CENPL: variants seen among roughly 807,000 people sequenced by gnomAD.
CENPL encodes centromere protein L, also known as interphase centromere complex protein 33.
In CENPL, 20 loss-of-function variants were observed where a neutral mutation model predicts 35.2. That is an observed-to-expected ratio of 0.57 (90% CI 0.40 to 0.83). The LOEUF is 0.83. Among genes scored for constraint, CENPL ranks in the 40% least tolerant of loss-of-function variants. The pLI, the probability that CENPL is intolerant of heterozygous loss-of-function variation, is 0.00. For synonymous variants in CENPL, 140 were observed against 140.6 expected, an observed-to-expected ratio of 1.00 and a Z score of 0.03; for missense variants, 363 against 395.8, an observed-to-expected ratio of 0.92 and a Z score of 0.70.
At chr1:173,821,868 T>C (rs1039275226) in intron 2 of CENPL, 8 of 143,824 alleles carry the variant, frequency 5.6e-5, no homozygotes, top group African/African-American at 2.1e-4. Context: ...TGGAGTGCAG[T>C]GGCCTGATAT....
At chr1:173,809,594 T>TA (rs573267648) in intron 3 of CENPL, among the ~76,000 whole-genome samples, 564 of 114,402 alleles carry the variant, frequency 4.9e-3, no homozygotes, top group African/African-American at 9.4e-3. Flanking sequence ...AGACACTCTC[T>TA]AAAAAAAAAA....
At chr1:173,806,045 G>A (rs529921932) in intron 4 of CENPL, among the ~76,000 whole-genome samples, 2 of 152,238 alleles carry the variant, frequency 1.3e-5, no homozygotes, top group East Asian at 3.9e-4. Context: ...TCTCAACTCT[G>A]CTGTTGCAGC....
At chr1:173,807,134 A>T (rs941270151) in intron 4 of CENPL, 133 bp downstream of exon 4, 5 of 672,608 alleles carry the variant, frequency 7.4e-6, no homozygotes, top group Non-Finnish European at 1.1e-5. Flanking sequence ...AAAAATAAAC[A>T]TGATTTTGTA....
intron 2 of CENPL, among the ~76,000 whole-genome samples, chr1:173,814,374 A>G (rs1218460492): frequency 1.3e-5 from 2 of 152,220 alleles, no homozygotes; most frequent in South Asian, 2.1e-4. Context: ...AATCAACAGA[A>G]TATACATTCT....
At chr1:173,821,439 G>A (rs938498551) in intron 2 of CENPL, among the ~76,000 whole-genome samples, 1 of 152,146 alleles carries the variant, frequency 6.6e-6, no homozygotes, top group African/African-American at 2.4e-5. Flanking sequence ...AAAGAGAAAT[G>A]CTATGAATCC....
At chr1:173,822,589 A>C (rs1314774243) in intron 2 of CENPL, 1 of 152,148 alleles carries the variant, frequency 6.6e-6, no homozygotes, top group African/African-American at 2.4e-5. Context: ...TTCTTTGCCA[A>C]CTACTGTACT....
intron 2 of CENPL, among the ~76,000 whole-genome samples, chr1:173,820,297 C>G (rs1225927432): frequency 6.6e-6 from 1 of 151,864 alleles, no homozygotes; most frequent in Admixed American, 6.6e-5. Flanking sequence ...TTATATCTTG[C>G]ACAAAACTCC....
chr1:173,804,450 A>G (rs553830371), intron 4 of CENPL, among the ~76,000 whole-genome samples: 1 of 152,384 alleles, frequency 6.6e-6, no homozygotes, highest in African/African-American at 2.4e-5. Flanking sequence ...CTGCATAGGA[A>G]TCATTCATAA....
chr1:173,803,603 T>C (rs1316185822), intron 4 of CENPL, 98 bp from the exon 5 acceptor site: 7 of 1,085,434 alleles, frequency 6.4e-6, no homozygotes, highest in Non-Finnish European at 6.5e-6. Flanking sequence ...GACGAGCCAA[T>C]GTAATACTTG....
intron 4 of CENPL, among the ~76,000 whole-genome samples, chr1:173,805,244 C>T (rs1002297148): frequency 1.3e-5 from 2 of 152,128 alleles, no homozygotes; most frequent in Non-Finnish European, 2.9e-5. Context: ...TATGGCTGGG[C>T]GAGATGGCTC....
At chr1:173,815,171 C>A (rs1021439723) in intron 2 of CENPL, among the ~76,000 whole-genome samples, 1 of 152,074 alleles carries the variant, frequency 6.6e-6, no homozygotes, top group Non-Finnish European at 1.5e-5. Context: ...CAATAACAGG[C>A]TCTGAAACTG....
chr1:173,817,161 T>A (rs9425748), intron 2 of CENPL, among the ~76,000 whole-genome samples: 124,776 of 151,182 alleles, frequency 0.83, 51,877 homozygotes, highest in East Asian at 0.99. Flanking sequence ...AGCAAAAAAA[T>A]AAATAAATAA....
Position 173,811,258 on chromosome 1 carries a change from G to T in CENPL, c.42C>A (p.Ser14=). The T allele has an allele frequency of 6.2e-7, 1 of 1,612,630 alleles. No homozygotes were observed. The highest frequency in any genetic ancestry group is 8.5e-7 in the Non-Finnish European group (1 of 1,178,724). Residue 14 remains serine (S), a synonymous_variant, in exon 3 of 6, where the codon TCC becomes TCA. Transcript: ENST00000682279. ...YSAPESTPSA[S]SRPEDYFIGA... is the part of the protein sequence containing the mutation. ...CTATAAAGTAATCTTCAGGTCTTGA[G>T]GATGCACTAGGAGTTGACTCTGGTG...
rs114956608 is a variant in CENPL at position 173,815,659 on chromosome 1, A to C, written c.-7-4353T>G. ...TAGGCCTTCATGCTAAAAACTCTCC[A>C]TAAACTAGATATTGATGGAACATAT... On this transcript the variant is annotated intron_variant, in intron 2 of 5. Transcript: ENST00000682279. 3.9e-3 allele frequency among the ~76,000 whole-genome samples: 594 copies of C among 152,332 alleles called. 3 individuals are homozygous for C. Among genetic ancestry groups the C allele is most frequent in the African/African-American group, 0.014 (562 of 41,574 alleles).
At chr1:173,801,296 C>T (rs1037391833) in intron 5 of CENPL, among the ~76,000 whole-genome samples, 3 of 151,984 alleles carry the variant, frequency 2.0e-5, no homozygotes, top group Non-Finnish European at 2.9e-5. Context: ...GTGGGTGGAT[C>T]ACTAGGTCAG....
At chr1:173,821,082 A>G (rs1438839769) in intron 2 of CENPL, among the ~76,000 whole-genome samples, 1 of 152,202 alleles carries the variant, frequency 6.6e-6, no homozygotes, top group African/African-American at 2.4e-5. Flanking sequence ...ATTTTAATCA[A>G]TCCTACTTAG....
At chr1:173,802,851 G>A in intron 5 of CENPL, 112 bp downstream of exon 5, 1 of 713,174 alleles carries the variant, frequency 1.4e-6, no homozygotes, top group Non-Finnish European at 2.3e-6. Flanking sequence ...GCTCTCTATT[G>A]TCTTGAATAC....
Position 173,824,201 on chromosome 1 carries a change from T to C in CENPL, c.-102+11A>G, listed in dbSNP as rs143989346. The C allele has an allele frequency of 2.7e-3, 417 of 152,334 alleles. 1 individual carries two copies. The highest frequency in any genetic ancestry group is 9.2e-3 in the African/African-American group (382 of 41,558). 9.4% of individuals were successfully genotyped at this position (152,334 alleles called of 1,614,324 possible). ...CTGCGACTTCACTCTGGGAGGGACA[T>C]TTCCGCTCACCCAGCTCTGCGACCC... On this transcript the variant is annotated intron_variant, in intron 1 of 5. Coordinates refer to ENST00000682279, the MANE Select transcript of CENPL (RefSeq NM_001387287.1).
chr1:173,800,516 G>T lies in CENPL; in HGVS notation c.967C>A (p.Leu323Met). 7.2e-7 allele frequency: 1 copy of T among 1,396,054 alleles called. No homozygotes were observed. Among genetic ancestry groups the T allele is most frequent in the Non-Finnish European group, 1.0e-6 (1 of 998,702 alleles). 86.5% of individuals were successfully genotyped at this position (1,396,054 alleles called of 1,614,324 possible). The change falls in exon 6 of 6, where the codon CTG (leucine) becomes ATG (methionine). Residue 323 changes from leucine to methionine, a missense_variant. Physicochemically the swap from Leu to Met is conservative, Grantham distance 15. Transcript: ENST00000682279. ...ACTCCAATAAGGTATTTATGACACAGAATCTGCAAAAAGAAAAAGAAGGAG... is the reference window on the plus strand; with the variant it reads ...ACTCCAATAAGGTATTTATGACACATAATCTGCAAAAAGAAAAAGAAGGAG... ...SAHTDGKIKI[L>M]CHKYLIGVLA...
Sources: gnomAD v4.1 joint callset for allele counts (sites outside exome capture counted in the v4.1 genomes callset) on GRCh38, gnomAD v4.1.1 for gene constraint, MANE v1.5 for transcripts, NCBI Gene and HGNC (gene_info 2026-07-23, HGNC 2026-07-21) for gene names.